The following HERC2 variants were observed in gnomAD, a reference collection of about 807,000 sequenced individuals.
The protein encoded by HERC2 is E3 ubiquitin-protein ligase HERC2.
In HERC2, 102 loss-of-function variants were observed where a neutral mutation model predicts 537.7. The observed-to-expected ratio is 0.19, with a 90% CI of 0.16 to 0.22. The LOEUF is 0.22. HERC2 is among the 10% of genes least tolerant of loss of function. The probability of loss-of-function intolerance (pLI) is 1.00; values close to 1 mark genes in which losing one functional copy is unlikely to be tolerated. For synonymous variants in HERC2, 2,224 were observed against 2,466.2 expected (o/e 0.90, Z 2.91); for missense variants, 4,236 against 6,198.2 (o/e 0.68, Z 10.63).
intron 75 of HERC2, 79 bp from the exon 76 acceptor site, chr15:28,142,472 C>G: frequency 2.1e-6 from 3 of 1,404,252 alleles, no homozygotes; most frequent in Non-Finnish European, 2.9e-6. Context: ...GCTCCTTCCG[C>G]AGGACCTCCT....
chr15:28,286,927 T>C (rs1057276833), intron 4 of HERC2, among the ~76,000 whole-genome samples: 4 of 151,960 alleles, frequency 2.6e-5, no homozygotes, highest in African/African-American at 4.8e-5. Context: ...CTTGGAAACA[T>C]TGCAAAAAAA....
intron 16 of HERC2, among the ~76,000 whole-genome samples, chr15:28,258,397 G>A (rs970958200): frequency 1.3e-5 from 2 of 152,020 alleles, no homozygotes; most frequent in African/African-American, 4.8e-5. Flanking sequence ...GCTTGAACCC[G>A]GGAGACAGAG....
At chr15:28,217,518 CAT>C (rs1232123427) in intron 38 of HERC2, among the ~76,000 whole-genome samples, 6 of 152,326 alleles carry the variant, frequency 3.9e-5, no homozygotes, top group East Asian at 1.9e-4. Context: ...CCCACACTCA[CAT>C]GTGCTCACTC....
chr15:28,241,898 T>TAGC (rs1903166106), intron 23 of HERC2, among the ~76,000 whole-genome samples: 1 of 152,120 alleles, frequency 6.6e-6, no homozygotes, highest in Non-Finnish European at 1.5e-5. Context: ...TTATTCACAA[T>TAGC]AGCCAAAAGA....
intron 2 of HERC2, among the ~76,000 whole-genome samples, chr15:28,307,713 A>G (rs1473983153): frequency 6.6e-6 from 1 of 152,222 alleles, no homozygotes; most frequent in African/African-American, 2.4e-5. Flanking sequence ...GATACTTAAC[A>G]TAATTTTTTT....
chr15:28,162,162 T>G (rs1893671840), intron 69 of HERC2, among the ~76,000 whole-genome samples: 1 of 152,018 alleles, frequency 6.6e-6, no homozygotes, highest in African/African-American at 2.4e-5. Context: ...AAACCCCATC[T>G]CAACTAAAAA....
At position 28,125,184 on chromosome 15, in the gene HERC2, T is replaced by A. The variant is rs1335676224; in HGVS notation, c.12812A>T (p.Tyr4271Phe). The A allele has an allele frequency of 1.2e-6, 2 of 1,609,414 alleles. No homozygotes were observed. The highest frequency in any genetic ancestry group is 1.7e-5 in the Admixed American group (1 of 59,956). Residue 4271 changes from tyrosine to phenylalanine, a missense_variant, in exon 84 of 93, where the codon TAT becomes TTT. Physicochemically the swap from Tyr to Phe is conservative, Grantham distance 22. This residue lies in a region of HERC2 where 189 missense variants were observed against 255.7 expected (regional missense o/e 0.74). Transcript: ENST00000261609. ...TCCCTCATCATTGTCGCCCCATGTA[T>A]AAACCTCACCTGAATGAAGTGAATT... The part of the protein sequence containing the change: ...CVCCTEDGEV[Y>F]TWGDNDEGQL...
chr15:28,311,430 A>T (rs2076943078), intron 2 of HERC2, among the ~76,000 whole-genome samples: 1 of 152,258 alleles, frequency 6.6e-6, no homozygotes, highest in Admixed American at 6.5e-5. Context: ...GTGCCACTGC[A>T]TTCCAGCCTG....
rs1297322005 is a variant in HERC2, at chr15:28,125,046, G to A, written c.12950C>T (p.Ser4317Leu). 6 of 1,606,300 alleles carry A rather than the reference G, an allele frequency of 3.7e-6. No individual in the cohort carries two copies. The highest frequency in any genetic ancestry group is 1.3e-5 in the African/African-American group (1 of 74,940). ...ACGSAHTLAWSTSKPASAGKL... is the reference protein window; with the variant it reads ...ACGSAHTLAWLTSKPASAGKL... ...GCCAGCACTGGCGGGCTTGCTGGTCGACCAGGCGAGGGTATGTGCTGAGCC... is the reference window on the plus strand; with the variant it reads ...GCCAGCACTGGCGGGCTTGCTGGTCAACCAGGCGAGGGTATGTGCTGAGCC... The change falls in exon 84 of 93, where the codon TCG becomes TTG. Residue 4317 changes from serine to leucine, a missense_variant. This residue lies in a region of HERC2 where 189 missense variants were observed against 255.7 expected (regional missense o/e 0.74). Coordinates refer to ENST00000261609, the MANE Select transcript of HERC2 (RefSeq NM_004667.6).
chr15:28,121,123 C>G (rs965868758), intron 86 of HERC2, among the ~76,000 whole-genome samples: 30 of 152,222 alleles, frequency 2.0e-4, no homozygotes. Context: ...TTTGGACTAT[C>G]TGACATAAAT....
chr15:28,320,985 A>G (rs2141343964), intron 2 of HERC2, among the ~76,000 whole-genome samples: 1 of 151,936 alleles, frequency 6.6e-6, no homozygotes, highest in East Asian at 1.9e-4. Flanking sequence ...TAATTACTGC[A>G]ACTTACTTCT....
At chr15:28,307,659 TTCC>T (rs1182903046) in intron 2 of HERC2, among the ~76,000 whole-genome samples, 1 of 152,236 alleles carries the variant, frequency 6.6e-6, no homozygotes, top group African/African-American at 2.4e-5. Context: ...GTTTCCAAAA[TTCC>T]TCGTTATCAA....
At chr15:28,225,508 C>G (rs932254900) in intron 35 of HERC2, among the ~76,000 whole-genome samples, 2 of 151,716 alleles carry the variant, frequency 1.3e-5, no homozygotes, top group African/African-American at 4.8e-5. Context: ...CCATCCTGGT[C>G]AACACGGTGA....
intron 79 of HERC2, among the ~76,000 whole-genome samples, chr15:28,134,949 A>T (rs1002710790): frequency 6.6e-6 from 1 of 152,152 alleles, no homozygotes; most frequent in Non-Finnish European, 1.5e-5. Context: ...CTGGGATTAC[A>T]GGCGTGAGCC....
chr15:28,300,030 T>C (rs1596434289), intron 2 of HERC2, among the ~76,000 whole-genome samples: 1 of 135,762 alleles, frequency 7.4e-6, no homozygotes. Context: ...TCAGCCTGAG[T>C]GACAAGAGCG....
At chr15:28,138,592 A>G (rs987528169) in intron 78 of HERC2, among the ~76,000 whole-genome samples, 3 of 152,328 alleles carry the variant, frequency 2.0e-5, no homozygotes, top group African/African-American at 2.4e-5. Flanking sequence ...GCTCAGAAAA[A>G]AAGATTTCTT....
intron 35 of HERC2, among the ~76,000 whole-genome samples, chr15:28,223,153 CAG>C (rs969828430): frequency 2.0e-5 from 3 of 152,132 alleles, no homozygotes; most frequent in African/African-American, 7.2e-5. Context: ...TAGCACAAAA[CAG>C]AAGCCGAGCT....
At position 28,270,746 on chromosome 15, in the gene HERC2, A is replaced by C. The variant is rs1596359646; in HGVS notation, c.1206T>G (p.Arg402=). Residue 402 remains arginine, a synonymous_variant, in exon 10 of 93, where the codon CGT becomes CGG. Coordinates refer to ENST00000261609, the MANE Select transcript of HERC2 (RefSeq NM_004667.6). ...TAVVVMAHLD[R]LATPCMPPLC... is the part of the protein sequence containing the mutation. ...GCGGAGGCATACAGGGCGTAGCCAG[A>C]CGGTCTAAATGGGCCATGACAACAA... 2 of 1,613,972 alleles carry C rather than the reference A, an allele frequency of 1.2e-6. No individual in the cohort carries two copies. The highest frequency in any genetic ancestry group is 1.7e-6 in the Non-Finnish European group (2 of 1,179,862).
chr15:28,261,219 GT>G (rs554947703), intron 15 of HERC2, among the ~76,000 whole-genome samples: 8 of 150,670 alleles, frequency 5.3e-5, no homozygotes, highest in South Asian at 2.1e-4. Context: ...AAAAGGATCT[GT>G]TTTTTTTTCT....
Sources: allele counts gnomAD v4.1 joint callset (sites outside exome capture counted in the v4.1 genomes callset), GRCh38; gene constraint gnomAD v4.1.1; regional missense constraint gnomAD v4.1.1; transcripts MANE v1.5; gene names NCBI Gene and HGNC (gene_info 2026-07-23, HGNC 2026-07-21).